Variants in NMNAT2 observed in about 807,000 individuals in gnomAD.
NMNAT2 encodes nicotinamide/nicotinic acid mononucleotide adenylyltransferase 2.
In NMNAT2, 11 loss-of-function variants were observed where a neutral mutation model predicts 41.6. The ratio of observed to expected loss-of-function variants is 0.26; its 90% confidence interval spans 0.17 to 0.44. The LOEUF is 0.44. Among genes scored for constraint, NMNAT2 ranks in the 20% least tolerant of loss-of-function variants. NMNAT2 has a pLI of 1.00. For missense variants in NMNAT2, 288 were observed against 407.7 expected (o/e 0.71, Z 2.53); for synonymous variants, 148 against 151.2 (o/e 0.98, Z 0.16).
At chr1:183,331,013 TCTCCC>T (rs1235815109) in intron 1 of NMNAT2, among the ~76,000 whole-genome samples, 5 of 152,122 alleles carry the variant, frequency 3.3e-5, no homozygotes, top group Non-Finnish European at 7.4e-5. Flanking sequence ...TTTCTCTCTC[TCTCCC>T]CTCCCTTTTT....
intron 5 of NMNAT2, among the ~76,000 whole-genome samples, chr1:183,286,250 G>GTTA (rs948725116): frequency 9.9e-5 from 15 of 151,226 alleles, no homozygotes; most frequent in South Asian, 4.2e-4. Context: ...TTTTGTTATT[G>GTTA]TTATTATTAT....
At chr1:183,379,949 T>C (rs1663766384) in intron 1 of NMNAT2, among the ~76,000 whole-genome samples, 1 of 152,238 alleles carries the variant, frequency 6.6e-6, no homozygotes, top group Non-Finnish European at 1.5e-5. Flanking sequence ...TGAATCATCA[T>C]ACTTTAGTCC....
chr1:183,378,709 A>G (rs1464670420), intron 1 of NMNAT2, among the ~76,000 whole-genome samples: 1 of 152,194 alleles, frequency 6.6e-6, no homozygotes, highest in Admixed American at 6.5e-5. Flanking sequence ...AATCATATCA[A>G]TAATCATTTA....
chr1:183,389,776 G>A (rs1328359661), intron 1 of NMNAT2, among the ~76,000 whole-genome samples: 1 of 48,400 alleles, frequency 2.1e-5, no homozygotes, highest in African/African-American at 7.2e-5. Context: ...AAGAAAGAAA[G>A]AAAGAAAGAA....
chr1:183,324,452 C>T (rs1662419293), intron 1 of NMNAT2, among the ~76,000 whole-genome samples: 1 of 152,136 alleles, frequency 6.6e-6, no homozygotes, highest in African/African-American at 2.4e-5. Flanking sequence ...GTAAATCCTA[C>T]CATACTATTT....
At chr1:183,381,999 G>T (rs1663811541) in intron 1 of NMNAT2, among the ~76,000 whole-genome samples, 1 of 152,192 alleles carries the variant, frequency 6.6e-6, no homozygotes, top group African/African-American at 2.4e-5. Context: ...ATTACTCTGT[G>T]CATTAGTCCA....
intron 1 of NMNAT2, among the ~76,000 whole-genome samples, chr1:183,334,347 G>A (rs1476466644): frequency 1.3e-5 from 2 of 151,246 alleles, no homozygotes; most frequent in Non-Finnish European, 3.0e-5. Context: ...GATTACAGGC[G>A]TGAGCCACCA....
At chr1:183,260,819 CAAAAAAAAAAA>C in intron 10 of NMNAT2, among the ~76,000 whole-genome samples, 172 bp downstream of exon 10, 1 of 74,994 alleles carries the variant, frequency 1.3e-5, no homozygotes, top group African/African-American at 5.6e-5. Context: ...GACGCTGTCT[CAAAAAAAAAAA>C]AAAAAAAAAA....
intron 1 of NMNAT2, among the ~76,000 whole-genome samples, chr1:183,330,523 C>G (rs1662559458): frequency 2.0e-5 from 3 of 152,136 alleles, no homozygotes; most frequent in Admixed American, 2.0e-4. Context: ...AGGGAGCCTC[C>G]CTGTTCTTCC....
chr1:183,255,316 C>T (rs1237024829), intron 10 of NMNAT2, among the ~76,000 whole-genome samples: 1 of 152,186 alleles, frequency 6.6e-6, no homozygotes, highest in Non-Finnish European at 1.5e-5. Flanking sequence ...TTGATTACTA[C>T]AGCTTTGTAA....
At chr1:183,344,102 AG>A (rs1457716087) in intron 1 of NMNAT2, among the ~76,000 whole-genome samples, 1 of 152,208 alleles carries the variant, frequency 6.6e-6, no homozygotes, top group Non-Finnish European at 1.5e-5. Flanking sequence ...AATGCTGAGA[AG>A]CTTTCCTAAA....
intron 7 of NMNAT2, among the ~76,000 whole-genome samples, chr1:183,280,739 T>C (rs953332137): frequency 1.7e-4 from 25 of 151,492 alleles, no homozygotes; most frequent in Non-Finnish European, 3.1e-4. Context: ...CTTTTTTTCT[T>C]TTTTTTTGCT....
At chr1:183,302,298 T>C (rs992165622) in intron 1 of NMNAT2, among the ~76,000 whole-genome samples, 3 of 152,132 alleles carry the variant, frequency 2.0e-5, no homozygotes, top group African/African-American at 7.2e-5. Context: ...TTTGCTGAAA[T>C]AATAAGATAC....
At chr1:183,300,556 A>G (rs1661823992) in intron 1 of NMNAT2, among the ~76,000 whole-genome samples, 1 of 152,206 alleles carries the variant, frequency 6.6e-6, no homozygotes, top group African/African-American at 2.4e-5. Context: ...TAAACTACCC[A>G]GTCTAAGGTA....
intron 7 of NMNAT2, chr1:183,283,327 C>T (rs1027911197): frequency 1.3e-5 from 2 of 153,522 alleles, no homozygotes; most frequent in South Asian, 2.0e-4. Context: ...ATTCTGGTGT[C>T]TCCCTGCCCT....
chr1:183,250,637 CT>C lies in NMNAT2; in HGVS notation c.*2003del. The stretch of plus-strand genomic sequence containing the variant: ...ATCCCATGGGCCTCTGCTCCCTCAA[CT>C]TTTAAAGGAAAGTGTTGGATCAACT... On this transcript the variant is annotated 3_prime_UTR_variant, in exon 11 of 11. Coordinates refer to ENST00000287713, the MANE Select transcript of NMNAT2 (RefSeq NM_015039.4). 1 of 152,758 alleles carries C rather than the reference CT, an allele frequency of 6.5e-6. No individual in the cohort carries two copies. The highest frequency in any genetic ancestry group is 1.5e-5 in the Non-Finnish European group (1 of 68,028). The allele number at this position is 152,758 out of a possible 1,614,324, so 9.5% of individuals were successfully genotyped here. A position where few individuals can be genotyped will look rare whatever the true frequency, so the allele number is the denominator to read the frequency against.
At chr1:183,256,770 G>T (rs545803463) in intron 10 of NMNAT2, among the ~76,000 whole-genome samples, 30 of 152,184 alleles carry the variant, frequency 2.0e-4, no homozygotes, top group Non-Finnish European at 3.4e-4. Context: ...TTTTCTTGTG[G>T]TGTCTTTTTT....
chr1:183,365,083 C>T (rs1663389005), intron 1 of NMNAT2, among the ~76,000 whole-genome samples: 1 of 152,132 alleles, frequency 6.6e-6, no homozygotes, highest in African/African-American at 2.4e-5. Flanking sequence ...CTGAAGATTC[C>T]TTATAGTTCT....
intron 7 of NMNAT2, among the ~76,000 whole-genome samples, chr1:183,282,127 C>T (rs1003513231): frequency 7.9e-5 from 12 of 152,224 alleles, no homozygotes; most frequent in South Asian, 6.2e-4. Flanking sequence ...TGTCCTTTCT[C>T]GGAACCTAAG....
Sources: gnomAD v4.1 joint callset for allele counts (sites outside exome capture counted in the v4.1 genomes callset) on GRCh38, gnomAD v4.1.1 for gene constraint, MANE v1.5 for transcripts, NCBI Gene and HGNC (gene_info 2026-07-23, HGNC 2026-07-21) for gene names.